ADAMTS19: variants seen among roughly 807,000 people sequenced by gnomAD.
ADAMTS19 encodes ADAM metallopeptidase with thrombospondin type 1 motif 19.
In ADAMTS19, 93 loss-of-function variants were observed where a neutral mutation model predicts 153.3. The ratio of observed to expected loss-of-function variants is 0.61; its 90% confidence interval spans 0.51 to 0.72. The LOEUF (loss-of-function observed/expected upper bound fraction) is 0.72. Ranked by LOEUF, ADAMTS19 falls within the 30% of genes least tolerant of loss-of-function variation. The probability of loss-of-function intolerance (pLI) is 0.00; values close to 1 mark genes in which losing one functional copy is unlikely to be tolerated. For synonymous variants in ADAMTS19, 600 were observed against 556.6 expected, an observed-to-expected ratio of 1.08 and a Z score of -1.10; for missense variants, 1,482 against 1,552.1, an observed-to-expected ratio of 0.95 and a Z score of 0.76.
intron 7 of ADAMTS19, among the ~76,000 whole-genome samples, chr5:129,581,800 G>C (rs1170472194): frequency 1.3e-5 from 2 of 152,136 alleles, no homozygotes; most frequent in African/African-American, 4.8e-5. Flanking sequence ...CTGGTATGTT[G>C]TATCTTTGTT....
At chr5:129,699,654 G>A (rs1422704889) in intron 19 of ADAMTS19, among the ~76,000 whole-genome samples, 2 of 152,102 alleles carry the variant, frequency 1.3e-5, no homozygotes, top group Admixed American at 6.6e-5. Context: ...GAAAAGGCCA[G>A]TCCCCATTGG....
At chr5:129,527,929 C>A (rs1752073434) in intron 5 of ADAMTS19, 98 bp downstream of exon 5, 1 of 719,302 alleles carries the variant, frequency 1.4e-6, no homozygotes, top group Non-Finnish European at 2.3e-6. Flanking sequence ...CTTAAAAATC[C>A]AGAAATATCC....
intron 6 of ADAMTS19, among the ~76,000 whole-genome samples, chr5:129,542,772 A>G (rs756236585): frequency 6.6e-6 from 1 of 152,136 alleles, no homozygotes; most frequent in African/African-American, 2.4e-5. Context: ...AAAACTCCCA[A>G]TACTGACAAT....
intron 7 of ADAMTS19, among the ~76,000 whole-genome samples, chr5:129,554,160 G>GAAGGTTCCAAA (rs1272999118): frequency 5.3e-5 from 8 of 152,042 alleles, no homozygotes; most frequent in African/African-American, 1.9e-4. Flanking sequence ...AAAAGGAATT[G>GAAGGTTCCAAA]AGCATCTATG....
intron 10 of ADAMTS19, among the ~76,000 whole-genome samples, chr5:129,628,471 A>T (rs879276087): frequency 2.6e-5 from 4 of 152,042 alleles, no homozygotes; most frequent in African/African-American, 9.7e-5. Context: ...ATAAAAAAAA[A>T]TTTTTAAAGC....
At chr5:129,467,448 T>C (rs1173308919) in intron 2 of ADAMTS19, among the ~76,000 whole-genome samples, 3 of 152,174 alleles carry the variant, frequency 2.0e-5, no homozygotes, top group Admixed American at 6.5e-5. Context: ...AACCTTCAGA[T>C]TGAAGGACCA....
intron 8 of ADAMTS19, among the ~76,000 whole-genome samples, chr5:129,601,693 G>T (rs1034801016): frequency 3.3e-5 from 5 of 152,312 alleles, no homozygotes; most frequent in African/African-American, 1.2e-4. Flanking sequence ...CAATGGAGTT[G>T]TGCAGACAGT....
intron 2 of ADAMTS19, among the ~76,000 whole-genome samples, chr5:129,478,628 C>A (rs1049067502): frequency 1.3e-5 from 2 of 152,142 alleles, no homozygotes; most frequent in Non-Finnish European, 2.9e-5. Flanking sequence ...CTCACTGCCA[C>A]CTCGAACTCC....
At chr5:129,713,542 A>G (rs202233716) in intron 21 of ADAMTS19, among the ~76,000 whole-genome samples, 82 of 152,282 alleles carry the variant, frequency 5.4e-4, no homozygotes, top group African/African-American at 1.7e-3. Context: ...AGGAAGATCA[A>G]TTGAGGCCAG....
At chr5:129,577,644 T>G (rs1013403855) in intron 7 of ADAMTS19, among the ~76,000 whole-genome samples, 1 of 152,178 alleles carries the variant, frequency 6.6e-6, no homozygotes, top group Non-Finnish European at 1.5e-5. Flanking sequence ...GATGTAACGA[T>G]GCTTGCTCAC....
At chr5:129,731,919 AT>A (rs1221010625) in intron 21 of ADAMTS19, among the ~76,000 whole-genome samples, 1 of 152,140 alleles carries the variant, frequency 6.6e-6, no homozygotes, top group African/African-American at 2.4e-5. Flanking sequence ...AGAAAATAAA[AT>A]GGCTAGTAAA....
intron 6 of ADAMTS19, among the ~76,000 whole-genome samples, chr5:129,547,293 G>A (rs1752895829): frequency 6.6e-6 from 1 of 150,720 alleles, no homozygotes; most frequent in Non-Finnish European, 1.5e-5. Flanking sequence ...TGAAGGCAAG[G>A]AAACATATTC....
At chr5:129,632,335 A>T (rs1752336668) in intron 10 of ADAMTS19, among the ~76,000 whole-genome samples, 1 of 151,998 alleles carries the variant, frequency 6.6e-6, no homozygotes, top group Non-Finnish European at 1.5e-5. Flanking sequence ...GTTTTTCTGT[A>T]CTATAGTCAT....
rs531509058 is a variant in ADAMTS19 at position 129,660,202 on chromosome 5, A to T, written c.2425+1465A>T. On this transcript the variant is annotated intron_variant, in intron 15 of 22. Coordinates refer to ENST00000274487, the MANE Select transcript of ADAMTS19 (RefSeq NM_133638.6). Reference sequence around the variant, plus strand: ...ATGAGTAAGGCCTATGGTAAATTGCAGATCAAACTCTTAGTCTTCAAAGTG... The same window carrying T: ...ATGAGTAAGGCCTATGGTAAATTGCTGATCAAACTCTTAGTCTTCAAAGTG... Among the ~76,000 whole-genome samples the T allele has an allele frequency of 1.2e-4, 18 of 152,326 alleles. No homozygotes were observed. The East Asian group carries it at 3.5e-3, about 29-fold the overall frequency.
At chr5:129,717,357 G>T (rs1756779106) in intron 21 of ADAMTS19, among the ~76,000 whole-genome samples, 1 of 151,804 alleles carries the variant, frequency 6.6e-6, no homozygotes, top group Admixed American at 6.6e-5. Context: ...ATATTTATGG[G>T]TTGATTTTTC....
At chr5:129,701,891 A>G (rs549907655) in intron 20 of ADAMTS19, among the ~76,000 whole-genome samples, 1 of 152,342 alleles carries the variant, frequency 6.6e-6, no homozygotes, top group South Asian at 2.1e-4. Flanking sequence ...ACATTAAAAT[A>G]CACACTTAAC....
chr5:129,602,658 A>C (rs543980262), intron 8 of ADAMTS19, among the ~76,000 whole-genome samples: 78 of 152,250 alleles, frequency 5.1e-4, no homozygotes, highest in South Asian at 1.2e-3. Flanking sequence ...AGATTTTCCT[A>C]GTTCTAATAA....
At chr5:129,544,576 A>C (rs1246844490) in intron 6 of ADAMTS19, among the ~76,000 whole-genome samples, 1 of 152,186 alleles carries the variant, frequency 6.6e-6, no homozygotes, top group Non-Finnish European at 1.5e-5. Context: ...CAAAAAATAC[A>C]ATAAGCGCAC....
At chr5:129,576,994 A>C (rs1433546825) in intron 7 of ADAMTS19, among the ~76,000 whole-genome samples, 1 of 152,162 alleles carries the variant, frequency 6.6e-6, no homozygotes, top group South Asian at 2.1e-4. Context: ...GTCGGAGTCA[A>C]CGTGGGCTCA....
Sources: gnomAD v4.1 joint callset for allele counts (sites outside exome capture counted in the v4.1 genomes callset) on GRCh38, gnomAD v4.1.1 for gene constraint, MANE v1.5 for transcripts, NCBI Gene and HGNC (gene_info 2026-07-23, HGNC 2026-07-21) for gene names.